The following MRTFB variants were observed in gnomAD, a reference collection of about 807,000 sequenced individuals.
MRTFB encodes the protein myocardin-related transcription factor B.
In MRTFB, 29 loss-of-function variants were observed where a neutral mutation model predicts 104.2. That is an observed-to-expected ratio of 0.28 (90% CI 0.21 to 0.38). The LOEUF (loss-of-function observed/expected upper bound fraction) is 0.38. Among genes scored for constraint, MRTFB ranks in the 10% least tolerant of loss-of-function variants. The pLI is 1.00. For synonymous variants in MRTFB, 535 were observed against 519.5 expected (o/e 1.03, Z -0.41); for missense variants, 1,270 against 1,341.6 (o/e 0.95, Z 0.83).
the MRTFB span, among the ~76,000 whole-genome samples, chr16:14,041,494 A>G: frequency 6.6e-6 from 1 of 152,284 alleles, no homozygotes; most frequent in East Asian, 1.9e-4. Context: ...GTGTTGTAGC[A>G]TCTCGTTTTC....
chr16:14,231,868 TG>T (rs2042284234), intron 8 of MRTFB, among the ~76,000 whole-genome samples: 1 of 152,212 alleles, frequency 6.6e-6, no homozygotes, highest in African/African-American at 2.4e-5. Flanking sequence ...TTAAAATGGC[TG>T]GCAAAATTAG....
chr16:14,058,940 G>A, the MRTFB span, among the ~76,000 whole-genome samples: 3 of 151,810 alleles, frequency 2.0e-5, no homozygotes, highest in Admixed American at 6.6e-5. Flanking sequence ...GGCTGGTCTC[G>A]AACTCCTGGC....
chr16:14,212,342 C>A lies in MRTFB; in HGVS notation c.221-12C>A, dbSNP rs1169198948. ...TCTATTTATACTGTGGAAACCATTT[C>A]TTTTCTCACAGCTTTGAAGAGCCCA... On this transcript the variant is annotated splice_polypyrimidine_tract_variant and intron_variant, in intron 4 of 16. Coordinates refer to ENST00000571589, the MANE Select transcript of MRTFB (RefSeq NM_001308142.2). 34 of 1,613,534 alleles carry A rather than the reference C, an allele frequency of 2.1e-5. No individual in the cohort carries two copies. The East Asian group carries it at 7.6e-4, about 36-fold the overall frequency.
chr16:14,023,946 G>A, the MRTFB span, among the ~76,000 whole-genome samples: 1 of 152,052 alleles, frequency 6.6e-6, no homozygotes, highest in Admixed American at 6.5e-5. Flanking sequence ...AGCTACTTGG[G>A]AGGCTGAGGC....
intron 3 of MRTFB, among the ~76,000 whole-genome samples, chr16:14,173,642 T>C (rs1233274294): frequency 6.6e-6 from 1 of 151,810 alleles, no homozygotes; most frequent in Non-Finnish European, 1.5e-5. Context: ...TCAGGCATTA[T>C]TTTTGGAAAT....
chr16:14,150,960 A>T (rs1040704528), intron 3 of MRTFB: 1 of 152,250 alleles, frequency 6.6e-6, no homozygotes, highest in Non-Finnish European at 1.5e-5. Context: ...GATGAAAAAT[A>T]TGTGAGAACC....
At position 14,200,800 on chromosome 16, in the gene MRTFB, C is replaced by A. The variant is rs745963311; in HGVS notation, c.155-9443C>A. On this transcript the variant is annotated intron_variant, in intron 3 of 16. Coordinates refer to ENST00000571589, the MANE Select transcript of MRTFB (RefSeq NM_001308142.2). ...TTGCCTTCAGTGCACGCTTCTCCTT[C>A]AGAGTAAAAAGTGGTTGGCGGTGGT... 41 of 1,470,668 alleles carry A rather than the reference C, an allele frequency of 2.8e-5. 1 individual carries two copies. Among genetic ancestry groups the A allele is most frequent in the Non-Finnish European group, 3.8e-6 (4 of 1,051,904 alleles). The allele number at this position is 1,470,668 out of a possible 1,614,324, so 91.1% of individuals were successfully genotyped here.
the MRTFB span, among the ~76,000 whole-genome samples, chr16:14,000,170 A>G: frequency 1.3e-5 from 2 of 152,092 alleles, no homozygotes; most frequent in East Asian, 3.9e-4. Flanking sequence ...GTAAAAATAA[A>G]CTCCCAAGCG....
the MRTFB span, chr16:14,013,314 A>C: frequency 6.6e-6 from 1 of 152,222 alleles, no homozygotes; most frequent in African/African-American, 2.4e-5. Flanking sequence ...AATCAAAAGC[A>C]GTGGCACCAA....
intron 10 of MRTFB, among the ~76,000 whole-genome samples, chr16:14,244,258 C>T (rs553795259): frequency 4.5e-4 from 68 of 152,246 alleles, no homozygotes; most frequent in African/African-American, 1.5e-3. Context: ...TATTTCGTGA[C>T]TGACTATAAC....
chr16:14,139,449 C>G (rs533942698), intron 2 of MRTFB, among the ~76,000 whole-genome samples: 2 of 152,288 alleles, frequency 1.3e-5, no homozygotes, highest in Non-Finnish European at 2.9e-5. Context: ...TTCTCATACC[C>G]TGCTGGTAAG....
intron 3 of MRTFB, among the ~76,000 whole-genome samples, chr16:14,199,067 T>G (rs1758060913): frequency 6.6e-6 from 1 of 152,224 alleles, no homozygotes; most frequent in African/African-American, 2.4e-5. Flanking sequence ...GAAAGCATGC[T>G]TACACTCTTG....
At chr16:14,049,444 G>A in the MRTFB span, among the ~76,000 whole-genome samples, 1 of 152,164 alleles carries the variant, frequency 6.6e-6, no homozygotes, top group African/African-American at 2.4e-5. Flanking sequence ...CCTGAAGCTT[G>A]GATTCTCTTT....
At chr16:14,021,490 G>C in the MRTFB span, among the ~76,000 whole-genome samples, 47,964 of 151,988 alleles carry the variant, frequency 0.32, 8,516 homozygotes, top group Admixed American at 0.44. Context: ...AAGTTCTTTA[G>C]TGGTGATTTG....
chr16:14,071,788 G>A (rs972216883), intron 1 of MRTFB, among the ~76,000 whole-genome samples: 7 of 152,150 alleles, frequency 4.6e-5, no homozygotes, highest in African/African-American at 1.7e-4. Context: ...GGAGGGGACC[G>A]GGACCCCTGC....
chr16:14,133,289 G>T (rs2037536237), intron 2 of MRTFB, among the ~76,000 whole-genome samples: 1 of 152,196 alleles, frequency 6.6e-6, no homozygotes, highest in South Asian at 2.1e-4. Context: ...TTTCAGATTT[G>T]TGTGTATCAT....
At chr16:14,155,262 C>T (rs1206695740) in intron 3 of MRTFB, among the ~76,000 whole-genome samples, 1 of 151,448 alleles carries the variant, frequency 6.6e-6, no homozygotes, top group Non-Finnish European at 1.5e-5. Context: ...GCTGTTAATC[C>T]CACCCAATAA....
chr16:14,062,663 A>G, the MRTFB span, among the ~76,000 whole-genome samples: 1 of 152,212 alleles, frequency 6.6e-6, no homozygotes, highest in Non-Finnish European at 1.5e-5. Context: ...TTTAAGCAGA[A>G]TTGGGAATGC....
intron 8 of MRTFB, among the ~76,000 whole-genome samples, chr16:14,225,833 A>T (rs1203480338): frequency 6.6e-6 from 1 of 152,208 alleles, no homozygotes; most frequent in Non-Finnish European, 1.5e-5. Context: ...AAACATGTGC[A>T]GCTGGTCACA....
Sources: allele counts gnomAD v4.1 joint callset (sites outside exome capture counted in the v4.1 genomes callset), GRCh38; gene constraint gnomAD v4.1.1; transcripts MANE v1.5; gene names NCBI Gene and HGNC (gene_info 2026-07-23, HGNC 2026-07-21).